RBFOX1: variants seen among roughly 807,000 people sequenced by gnomAD.
RBFOX1 encodes RNA binding fox-1 homolog 1.
A neutral mutation model predicts 57.7 loss-of-function variants in RBFOX1; 8 were observed. The observed-to-expected ratio is 0.14, with a 90% CI of 0.08 to 0.25. The LOEUF (loss-of-function observed/expected upper bound fraction) is 0.25, where lower values mean the gene tolerates loss of function less well. Ranked by LOEUF, RBFOX1 falls within the 10% of genes least tolerant of loss-of-function variation. RBFOX1 has a pLI of 1.00. For synonymous variants in RBFOX1, 326 were observed against 222.4 expected (o/e 1.47, Z -4.15); for missense variants, 611 against 548.5 (o/e 1.11, Z -1.14).
At chr16:6,517,316 T>C (rs1340437205) in intron 2 of RBFOX1, among the ~76,000 whole-genome samples, 1 of 152,194 alleles carries the variant, frequency 6.6e-6, no homozygotes, top group Admixed American at 6.5e-5. Context: ...CCTTCACCTT[T>C]AGTATTCAAG....
chr16:6,038,821 C>T (rs1049126567), intron 1 of RBFOX1: 4 of 148,038 alleles, frequency 2.7e-5, no homozygotes, highest in African/African-American at 9.9e-5. Flanking sequence ...GTTATCCTTC[C>T]TATTTAAGGC....
intron 3 of RBFOX1, among the ~76,000 whole-genome samples, chr16:5,665,135 G>T (rs868584567): frequency 3.5e-5 from 5 of 142,338 alleles, no homozygotes; most frequent in Admixed American, 1.4e-4. Flanking sequence ...TTTACATGGG[G>T]GGGGGCGGTC....
At chr16:6,875,821 A>G (rs1353388078) in intron 3 of RBFOX1, among the ~76,000 whole-genome samples, 1 of 152,014 alleles carries the variant, frequency 6.6e-6, no homozygotes, top group East Asian at 1.9e-4. Flanking sequence ...TCTGGGGAAC[A>G]TGGTGAAACC....
chr16:6,794,707 G>A (rs78382076), intron 3 of RBFOX1, among the ~76,000 whole-genome samples: 1 of 152,124 alleles, frequency 6.6e-6, no homozygotes, highest in Non-Finnish European at 1.5e-5. Context: ...AATGTTTAAT[G>A]TAAATCATAA....
chr16:6,624,886 G>A (rs914526076), intron 2 of RBFOX1, among the ~76,000 whole-genome samples: 1 of 152,120 alleles, frequency 6.6e-6, no homozygotes, highest in Non-Finnish European at 1.5e-5. Context: ...TTCTGGGCTG[G>A]ACGCGGTTGC....
At chr16:5,510,605 T>A (rs1336587213) in intron 2 of RBFOX1, among the ~76,000 whole-genome samples, 1 of 151,906 alleles carries the variant, frequency 6.6e-6, no homozygotes, top group Non-Finnish European at 1.5e-5. Flanking sequence ...TAGGGGGAGA[T>A]GAAAAATGGG....
chr16:5,841,585 G>C (rs1289825180), intron 3 of RBFOX1, among the ~76,000 whole-genome samples: 1 of 152,194 alleles, frequency 6.6e-6, no homozygotes, highest in African/African-American at 2.4e-5. Context: ...CATTTGTTTA[G>C]CATAAGTATA....
At chr16:6,127,390 A>C (rs1354717172) in intron 1 of RBFOX1, among the ~76,000 whole-genome samples, 2 of 151,560 alleles carry the variant, frequency 1.3e-5, no homozygotes, top group African/African-American at 4.9e-5. Context: ...CTCTCTGTTC[A>C]TGTGGACCTT....
chr16:7,180,843 T>C (rs1204187014), intron 4 of RBFOX1, among the ~76,000 whole-genome samples: 1 of 152,240 alleles, frequency 6.6e-6, no homozygotes, highest in Non-Finnish European at 1.5e-5. Flanking sequence ...TAGGATTTTA[T>C]GCTTAAAGCT....
intron 4 of RBFOX1, among the ~76,000 whole-genome samples, chr16:5,896,750 G>A (rs973086167): frequency 2.0e-5 from 3 of 152,108 alleles, no homozygotes; most frequent in African/African-American, 7.2e-5. Flanking sequence ...TTTCCATTTG[G>A]AGAAGAGGAG....
At chr16:5,740,447 A>C (rs1381652744) in intron 3 of RBFOX1, among the ~76,000 whole-genome samples, 2 of 152,358 alleles carry the variant, frequency 1.3e-5, no homozygotes, top group East Asian at 3.9e-4. Flanking sequence ...TTCAAAGCAC[A>C]TTGTGTGAAT....
chr16:6,793,088 C>G (rs977878495), intron 3 of RBFOX1, among the ~76,000 whole-genome samples: 5 of 151,750 alleles, frequency 3.3e-5, no homozygotes, highest in Admixed American at 1.3e-4. Context: ...TGGATGCTCT[C>G]TGCCAGATTG....
intron 2 of RBFOX1, among the ~76,000 whole-genome samples, chr16:6,479,978 G>A (rs894344546): frequency 2.0e-5 from 3 of 150,596 alleles, no homozygotes; most frequent in African/African-American, 7.3e-5. Context: ...TTAAACCCAG[G>A]GGCAGAGGTT....
At chr16:7,041,896 C>G (rs1043509045) in intron 3 of RBFOX1, among the ~76,000 whole-genome samples, 2 of 151,030 alleles carry the variant, frequency 1.3e-5, no homozygotes, top group Admixed American at 1.3e-4. Flanking sequence ...TAAAATTAGA[C>G]ACTTTGCAGG....
intron 1 of RBFOX1, among the ~76,000 whole-genome samples, chr16:5,315,984 T>C (rs145012146): frequency 5.3e-5 from 8 of 152,246 alleles, no homozygotes; most frequent in Middle Eastern, 6.8e-3. Flanking sequence ...TGGTCTCAAG[T>C]TCCACCTACA....
chr16:7,530,306 C>G (rs1434374625), intron 5 of RBFOX1, among the ~76,000 whole-genome samples: 1 of 152,112 alleles, frequency 6.6e-6, no homozygotes, highest in East Asian at 1.9e-4. Flanking sequence ...CTCCTGGATT[C>G]TACAGCCATT....
At chr16:6,909,379 C>G (rs1567831052) in intron 3 of RBFOX1, among the ~76,000 whole-genome samples, 1 of 152,194 alleles carries the variant, frequency 6.6e-6, no homozygotes, top group Non-Finnish European at 1.5e-5. Context: ...ATAATCCTGG[C>G]AACTCTTCCA....
chr16:5,989,253 C>T (rs2060342289), intron 4 of RBFOX1, among the ~76,000 whole-genome samples: 2 of 151,926 alleles, frequency 1.3e-5, no homozygotes, highest in African/African-American at 4.8e-5. Flanking sequence ...ATGGTGTGAA[C>T]CCGGGAGGCG....
chr16:5,757,737 C>G (rs1279317768), intron 3 of RBFOX1, among the ~76,000 whole-genome samples: 3 of 152,170 alleles, frequency 2.0e-5, no homozygotes, highest in South Asian at 4.1e-4. Flanking sequence ...ATCCCCACTT[C>G]ACAGATGTGG....
Sources: allele counts gnomAD v4.1 joint callset (sites outside exome capture counted in the v4.1 genomes callset), GRCh38; gene constraint gnomAD v4.1.1; transcripts MANE v1.5; gene names NCBI Gene and HGNC (gene_info 2026-07-23, HGNC 2026-07-21).